PLS3: variants seen among roughly 807,000 people sequenced by gnomAD.
PLS3 encodes the protein plastin 3.
PLS3 carries 11 observed loss-of-function variants against 46.5 expected under a neutral mutation model. That is an observed-to-expected ratio of 0.24 (90% confidence interval 0.15 to 0.39). PLS3 has a LOEUF of 0.39. Among genes scored for constraint, PLS3 ranks in the 10% least tolerant of loss-of-function variants. The probability of loss-of-function intolerance (pLI) is 1.00; values close to 1 mark genes in which losing one functional copy is unlikely to be tolerated. For synonymous variants in PLS3, 167 were observed against 162.2 expected (o/e 1.03, Z -0.22); for missense variants, 308 against 461.8 (o/e 0.67, Z 3.05).
chrX:115,610,487 CTTT>C (rs368406135), intron 2 of PLS3, among the ~76,000 whole-genome samples, 164 bp downstream of exon 2: 1 of 94,113 alleles, frequency 1.1e-5, no homozygotes. Context: ...TGTTTTATTT[CTTT>C]TTTTTTTTTT....
chrX:115,595,687 C>CTTTTTTTTT (rs35860715), intron 1 of PLS3, among the ~76,000 whole-genome samples: 7 of 82,974 alleles, frequency 8.4e-5, no homozygotes, highest in East Asian at 3.6e-4. Context: ...TATTTTCTTT[C>CTTTTTTTTT]TTTTTTTTTT....
In PLS3 at chrX:115,591,117, T is replaced by G. The variant is rs185042725; in HGVS notation, c.-8-19126T>G. 3.2e-3 allele frequency among the ~76,000 whole-genome samples: 349 copies of G among 110,724 alleles called. 6 individuals are homozygous for G. Among genetic ancestry groups the G allele is most frequent in the African/African-American group, 0.011 (342 of 30,538 alleles). On this transcript the variant is annotated intron_variant, in intron 1 of 15. Transcript: ENST00000355899. ...TCCCGCCACTACACTCCAGCCTGGG[T>G]GACAGAGCGAGACTCCGTCTCAAAA...
At chrX:115,617,172 T>C (rs1449058501) in intron 2 of PLS3, among the ~76,000 whole-genome samples, 2 of 111,380 alleles carry the variant, frequency 1.8e-5, no homozygotes, top group African/African-American at 6.5e-5. Context: ...GGGTGACTCA[T>C]ACCTAAACAA....
At chrX:115,598,603 G>A (rs2074411890) in intron 1 of PLS3, among the ~76,000 whole-genome samples, 1 of 112,085 alleles carries the variant, frequency 8.9e-6, no homozygotes, top group African/African-American at 3.2e-5. Flanking sequence ...ACTTGTTCTT[G>A]AGAAAAATCT....
intron 1 of PLS3, among the ~76,000 whole-genome samples, chrX:115,582,108 T>C (rs1219473560): frequency 1.8e-5 from 2 of 112,618 alleles, no homozygotes; most frequent in African/African-American, 6.4e-5. Context: ...AAATTTATTT[T>C]GTCTAATGAA....
chrX:115,622,199 T>A (rs1556637712), intron 2 of PLS3, 47 bp from the exon 3 acceptor site: 2 of 1,062,087 alleles, frequency 1.9e-6, no homozygotes, highest in South Asian at 2.1e-5. Context: ...CTAACTTCTG[T>A]CTTTCAATTT....
rs1404765303 is a variant in PLS3, at chrX:115,629,346, A to G, written c.367+19A>G. The G allele has an allele frequency of 6.8e-6, 8 of 1,180,209 alleles. No homozygotes were observed. The highest frequency in any genetic ancestry group is 3.5e-5 in the African/African-American group (2 of 56,515). Reference sequence around the variant, plus strand: ...TACTCAGGTAATCATTTTATATGCAATAGGTTAACACAATGTGCTAAGTGG... The same window carrying G: ...TACTCAGGTAATCATTTTATATGCAGTAGGTTAACACAATGTGCTAAGTGG... On this transcript the variant is annotated intron_variant, in intron 4 of 15. Coordinates refer to ENST00000355899, the MANE Select transcript of PLS3 (RefSeq NM_005032.7).
intron 3 of PLS3, among the ~76,000 whole-genome samples, chrX:115,622,994 G>A (rs926140816): frequency 4.5e-5 from 5 of 110,809 alleles, no homozygotes; most frequent in African/African-American, 1.6e-4. Flanking sequence ...TCAAGGTTAG[G>A]GGCTGAGTTT....
At chrX:115,561,292 G>A (rs1412803646) in intron 1 of PLS3, 32 bp downstream of exon 1, 1 of 111,738 alleles carries the variant, frequency 8.9e-6, no homozygotes, top group African/African-American at 3.3e-5. Flanking sequence ...GCGGGCACTA[G>A]GGGAGCGGGT....
At position 115,623,716 on chromosome X, in the gene PLS3, C is replaced by T. The variant is rs148067492; in HGVS notation, c.237+1307C>T. The stretch of plus-strand genomic sequence containing the variant: ...CTAATATTTATCACAAATGTCCCAG[C>T]GCTCCTATCCTCCTTTGTCATGGTT... On this transcript the variant is annotated intron_variant, in intron 3 of 15. Coordinates refer to ENST00000355899, the MANE Select transcript of PLS3 (RefSeq NM_005032.7). Among the ~76,000 whole-genome samples, 343 of 111,245 alleles carry T rather than the reference C, an allele frequency of 3.1e-3. 17 individuals carry two copies. In the East Asian group the frequency reaches 0.089, roughly 29 times the overall value.
chrX:115,579,532 A>T (rs1163120700), intron 1 of PLS3, among the ~76,000 whole-genome samples: 1 of 111,887 alleles, frequency 8.9e-6, no homozygotes, highest in African/African-American at 3.3e-5. Flanking sequence ...GCAATGTATG[A>T]GTGATCCAGT....
intron 1 of PLS3, among the ~76,000 whole-genome samples, chrX:115,599,301 G>T (rs2074417548): frequency 1.2e-5 from 1 of 86,038 alleles, no homozygotes; most frequent in Non-Finnish European, 2.2e-5. Flanking sequence ...TGGAGTTTTA[G>T]ACCAGCTTGG....
chrX:115,600,206 C>T (rs1387464773), intron 1 of PLS3, among the ~76,000 whole-genome samples: 1 of 111,091 alleles, frequency 9.0e-6, no homozygotes, highest in African/African-American at 3.3e-5. Context: ...ACTGCAGCCT[C>T]AAACTCCTGG....
At chrX:115,646,234 C>G in intron 12 of PLS3, 48 bp downstream of exon 12, 4 of 868,726 alleles carry the variant, frequency 4.6e-6, no homozygotes, top group Non-Finnish European at 6.6e-6. Flanking sequence ...TTTTTATTCT[C>G]GATTAATTTC....
chrX:115,624,312 A>G (rs1437875691), intron 3 of PLS3: 1 of 106,822 alleles, frequency 9.4e-6, no homozygotes, highest in Non-Finnish European at 1.9e-5. Flanking sequence ...TGAAATACTG[A>G]TTTCCTCCCA....
intron 1 of PLS3, among the ~76,000 whole-genome samples, chrX:115,598,392 C>T (rs1210821640): frequency 9.0e-6 from 1 of 110,819 alleles, no homozygotes; most frequent in Non-Finnish European, 1.9e-5. Context: ...TTTTCTTCTG[C>T]TTCAACCTTT....
intron 1 of PLS3, among the ~76,000 whole-genome samples, chrX:115,575,531 C>T (rs782817494): frequency 1.6e-3 from 184 of 111,939 alleles, no homozygotes; most frequent in African/African-American, 5.6e-3. Flanking sequence ...GCAAGCTCCG[C>T]CTCCCGGGTT....
At chrX:115,598,306 AAAG>A (rs1298712700) in intron 1 of PLS3, among the ~76,000 whole-genome samples, 16 of 109,428 alleles carry the variant, frequency 1.5e-4, no homozygotes, top group Admixed American at 6.9e-4. Context: ...AAAAAAAAAA[AAAG>A]AAGAAGGAGA....
rs888871793 is a variant in PLS3, at chrX:115,646,177, C to T, written c.1368C>T (p.Asn456=). Residue 456 remains asparagine, a synonymous_variant, in exon 12 of 16, where the codon AAC becomes AAT. Coordinates refer to ENST00000355899, the MANE Select transcript of PLS3 (RefSeq NM_005032.7). ...NKPPYPKLGA[N]MKKLENCNYA... ...CTCCATACCCGAAACTGGGAGCCAA[C>T]ATGAAAAAGGTAGATAATTAAGTTG... 6 of 1,096,738 alleles carry T rather than the reference C, an allele frequency of 5.5e-6. No homozygotes were observed. The highest frequency in any genetic ancestry group is 6.3e-6 in the Non-Finnish European group (5 of 796,795). The allele number at this position is 1,096,738 out of a possible 1,213,427, so 90.4% of individuals were successfully genotyped here.
Sources: allele counts gnomAD v4.1 joint callset (sites outside exome capture counted in the v4.1 genomes callset), GRCh38; gene constraint gnomAD v4.1.1; transcripts MANE v1.5; gene names NCBI Gene and HGNC (gene_info 2026-07-23, HGNC 2026-07-21).